Variants in CSMD1 observed in about 807,000 individuals in gnomAD.
CSMD1 encodes CUB and sushi domain-containing protein 1.
CSMD1 carries 213 observed loss-of-function variants against 417.5 expected under a neutral mutation model. The ratio of observed to expected loss-of-function variants is 0.51; its 90% confidence interval spans 0.46 to 0.57. CSMD1 has a LOEUF of 0.57. Ranked by LOEUF, CSMD1 falls within the 20% of genes least tolerant of loss-of-function variation. CSMD1 has a pLI of 0.00. For missense variants in CSMD1, 6,923 were observed against 4,529.7 expected, an observed-to-expected ratio of 1.53 and a Z score of -15.17; for synonymous variants, 2,862 against 1,736.8, an observed-to-expected ratio of 1.65 and a Z score of -16.11.
intron 5 of CSMD1, among the ~76,000 whole-genome samples, chr8:3,772,409 ATATT>A (rs1391182905): frequency 1.4e-5 from 2 of 139,318 alleles, no homozygotes; most frequent in African/African-American, 2.8e-5. Flanking sequence ...ATATATACAT[ATATT>A]TATATATACA....
At chr8:4,454,647 G>A (rs1216208511) in intron 2 of CSMD1, among the ~76,000 whole-genome samples, 2 of 152,214 alleles carry the variant, frequency 1.3e-5, no homozygotes, top group South Asian at 4.1e-4. Context: ...TAAGGCTTCA[G>A]TGCAGCCTTC....
At chr8:3,700,889 T>C (rs765473408) in intron 7 of CSMD1, among the ~76,000 whole-genome samples, 1 of 152,088 alleles carries the variant, frequency 6.6e-6, no homozygotes, top group African/African-American at 2.4e-5. Context: ...AGGAAGGATG[T>C]GGTTCTACTG....
intron 2 of CSMD1, among the ~76,000 whole-genome samples, chr8:4,487,343 G>C (rs1468225155): frequency 6.6e-6 from 1 of 152,070 alleles, no homozygotes; most frequent in Non-Finnish European, 1.5e-5. Flanking sequence ...AGTCCCCAGA[G>C]TGTGATGTTC....
intron 5 of CSMD1, among the ~76,000 whole-genome samples, chr8:3,928,332 C>T (rs563713820): frequency 6.6e-6 from 1 of 152,118 alleles, no homozygotes; most frequent in African/African-American, 2.4e-5. Flanking sequence ...ATTGCCAGGA[C>T]TGAGTGGTAA....
chr8:3,748,058 C>A (rs536621817), intron 6 of CSMD1, among the ~76,000 whole-genome samples: 3 of 152,102 alleles, frequency 2.0e-5, no homozygotes, highest in African/African-American at 7.2e-5. Context: ...ACTGGCTAAT[C>A]GTAAGTACTT....
At chr8:3,234,871 T>A (rs186400977) in intron 26 of CSMD1, among the ~76,000 whole-genome samples, 1 of 152,206 alleles carries the variant, frequency 6.6e-6, no homozygotes, top group Non-Finnish European at 1.5e-5. Flanking sequence ...GAATTTACTC[T>A]TTGAGTGATA....
At chr8:3,507,456 A>G (rs1271379354) in intron 10 of CSMD1, among the ~76,000 whole-genome samples, 1 of 152,212 alleles carries the variant, frequency 6.6e-6, no homozygotes. Context: ...ATAGTGCCAC[A>G]GTAAACATAC....
At chr8:4,267,499 C>G (rs1228678912) in intron 3 of CSMD1, among the ~76,000 whole-genome samples, 1 of 151,472 alleles carries the variant, frequency 6.6e-6, no homozygotes. Context: ...GTCTTCATAT[C>G]TAAACGCAGT....
rs941121662 is a variant in CSMD1, at chr8:3,217,583, C to T, written c.4672+1672G>A. Among the ~76,000 whole-genome samples, 5 of 152,160 alleles carry T rather than the reference C, an allele frequency of 3.3e-5. No homozygotes were observed. In the East Asian group the frequency reaches 9.6e-4, roughly 29 times the overall value. Reference sequence around the variant, plus strand: ...GAATAAGTACTGTCATGGTAAAATGCATTTTAGTGAATTCTTGTTAAGAAA... The same window carrying T: ...GAATAAGTACTGTCATGGTAAAATGTATTTTAGTGAATTCTTGTTAAGAAA... On this transcript the variant is annotated intron_variant, in intron 29 of 69. Transcript: ENST00000635120.
chr8:4,145,306 TG>T (rs1804044122), intron 3 of CSMD1, among the ~76,000 whole-genome samples: 3 of 151,094 alleles, frequency 2.0e-5, no homozygotes, highest in Non-Finnish European at 2.9e-5. Flanking sequence ...GAGAACTTTA[TG>T]GTACTCACCA....
In CSMD1 at chr8:3,650,503, G is replaced by A. The variant is rs527577697; in HGVS notation, c.1010-33706C>T. Among the ~76,000 whole-genome samples the A allele has an allele frequency of 7.9e-5, 12 of 152,152 alleles. No homozygotes were observed. The South Asian group carries it at 2.3e-3, about 29-fold the overall frequency. ...ATTAAGCTTAGCTGGTGGGACCAGG[G>A]GCTACTGAGCCTTCATTCTCTACTC... On this transcript the variant is annotated intron_variant, in intron 7 of 69. Coordinates refer to ENST00000635120, the MANE Select transcript of CSMD1 (RefSeq NM_033225.6).
intron 5 of CSMD1, among the ~76,000 whole-genome samples, chr8:3,900,074 G>T (rs1167321763): frequency 6.6e-6 from 1 of 152,058 alleles, no homozygotes; most frequent in East Asian, 1.9e-4. Flanking sequence ...CACTAGCTGG[G>T]TGACAGTGCA....
intron 1 of CSMD1, among the ~76,000 whole-genome samples, chr8:4,727,154 C>CA (rs1809512860): frequency 6.6e-6 from 1 of 152,100 alleles, no homozygotes; most frequent in Non-Finnish European, 1.5e-5. Flanking sequence ...ACTTCGCTCT[C>CA]AATCCACCGT....
At chr8:4,872,885 G>A (rs958412008) in intron 1 of CSMD1, among the ~76,000 whole-genome samples, 2 of 151,984 alleles carry the variant, frequency 1.3e-5, no homozygotes, top group African/African-American at 2.4e-5. Flanking sequence ...TAGTACTGGC[G>A]AATACTTTGT....
chr8:3,852,684 G>T (rs1402421158), intron 5 of CSMD1, among the ~76,000 whole-genome samples: 1 of 151,944 alleles, frequency 6.6e-6, no homozygotes, highest in Non-Finnish European at 1.5e-5. Context: ...TGATGGGGGT[G>T]GGGAGGAGCC....
In CSMD1 at chr8:3,891,858, C is replaced by G. The variant is rs1327877419; in HGVS notation, c.818+106045G>C. Among the ~76,000 whole-genome samples the G allele has an allele frequency of 1.3e-5, 2 of 151,714 alleles. 1 individual carries two copies. Among genetic ancestry groups the G allele is most frequent in the Non-Finnish European group, 2.9e-5 (2 of 67,916 alleles). ...TAATGGTAATCCATTAAAGCTTGCCCAAAAAAAGGCTAGTTACTGACACGT... is the reference window on the plus strand; with the variant it reads ...TAATGGTAATCCATTAAAGCTTGCCGAAAAAAAGGCTAGTTACTGACACGT... On this transcript the variant is annotated intron_variant, in intron 5 of 69. Coordinates refer to ENST00000635120, the MANE Select transcript of CSMD1 (RefSeq NM_033225.6).
At chr8:4,284,891 C>G (rs1796979210) in intron 3 of CSMD1, among the ~76,000 whole-genome samples, 1 of 152,154 alleles carries the variant, frequency 6.6e-6, no homozygotes. Context: ...ACTTTTCTGT[C>G]TCCTCCTTTC....
intron 1 of CSMD1, among the ~76,000 whole-genome samples, chr8:4,949,306 TA>T (rs148615294): frequency 0.46 from 69,238 of 151,826 alleles, 16,464 homozygotes; most frequent in East Asian, 0.56. Flanking sequence ...GCTGTTTTGT[TA>T]AAAAAAAGTT....
At chr8:3,192,983 G>A (rs919389696) in intron 33 of CSMD1, among the ~76,000 whole-genome samples, 2 of 151,628 alleles carry the variant, frequency 1.3e-5, no homozygotes, top group Non-Finnish European at 2.9e-5. Flanking sequence ...TCATCTCAAG[G>A]ATCTTCCACA....
Sources: gnomAD v4.1 joint callset for allele counts (sites outside exome capture counted in the v4.1 genomes callset) on GRCh38, gnomAD v4.1.1 for gene constraint, MANE v1.5 for transcripts, NCBI Gene and HGNC (gene_info 2026-07-23, HGNC 2026-07-21) for gene names.